Variants in MRC2 observed in about 807,000 individuals in gnomAD.
MRC2 encodes the protein mannose receptor C-type 2, also known as C-type mannose receptor 2.
Under a neutral mutation model 206.2 loss-of-function variants are expected in MRC2, and 84 were observed. That is an observed-to-expected ratio of 0.41 (90% CI 0.34 to 0.49). The LOEUF is 0.49. Ranked by LOEUF, MRC2 falls within the 20% of genes least tolerant of loss-of-function variation. The pLI is 0.31. For missense variants in MRC2, 1,676 were observed against 2,001.5 expected, an observed-to-expected ratio of 0.84 and a Z score of 3.10; for synonymous variants, 798 against 800.0, an observed-to-expected ratio of 1.00 and a Z score of 0.04.
chr17:62,654,649 G>T (rs1185636773), intron 1 of MRC2, among the ~76,000 whole-genome samples: 1 of 152,086 alleles, frequency 6.6e-6, no homozygotes, highest in African/African-American at 2.4e-5. Flanking sequence ...ACTCAGCCTC[G>T]CGACTTCACC....
intron 1 of MRC2, among the ~76,000 whole-genome samples, chr17:62,631,239 G>C (rs934798151): frequency 6.6e-6 from 1 of 152,128 alleles, no homozygotes; most frequent in Non-Finnish European, 1.5e-5. Flanking sequence ...CAGAGGGATG[G>C]AGCGATGGCA....
In MRC2 at chr17:62,678,522, C is replaced by G; in HGVS notation, c.2071C>G (p.Leu691Val). ...YCYKVFSSER[L>V]QDKKSWVQAQ... ...CCTGCAGGTGTTCAGCTCAGAGCGGCTGCAGGACAAGAAGAGCTGGGTCCA... is the reference window on the plus strand; with the variant it reads ...CCTGCAGGTGTTCAGCTCAGAGCGGGTGCAGGACAAGAAGAGCTGGGTCCA... Residue 691 changes from leucine to valine, a missense_variant, in exon 13 of 30, where the codon CTG becomes GTG. Physicochemically the swap from Leu to Val is conservative, Grantham distance 32. Transcript: ENST00000303375. 1 of 1,612,458 alleles carries G rather than the reference C, an allele frequency of 6.2e-7. No individual in the cohort carries two copies. Among genetic ancestry groups the G allele is most frequent in the Non-Finnish European group, 8.5e-7 (1 of 1,179,406 alleles).
chr17:62,679,717 C>A, intron 13 of MRC2, 83 bp from the exon 14 acceptor site: 1 of 1,355,018 alleles, frequency 7.4e-7, no homozygotes, highest in Non-Finnish European at 1.0e-6. Flanking sequence ...CCGGTCACAG[C>A]TGCAAGGGAC....
At chr17:62,665,526 A>G (rs2088741293) in intron 2 of MRC2, among the ~76,000 whole-genome samples, 1 of 152,226 alleles carries the variant, frequency 6.6e-6, no homozygotes, top group Non-Finnish European at 1.5e-5. Flanking sequence ...GTATACAAGT[A>G]TATAACATAA....
Position 62,664,436 on chromosome 17 carries a change from C to A in MRC2, c.119-112C>A. On this transcript the variant is annotated intron_variant, in intron 1 of 29. Transcript: ENST00000303375. This position sits in a 1 kb window ranked among gnomAD's most constrained non-coding sequence, Gnocchi z 4.7. ...ACCGAGTGATTTAACGTATGAGTGA[C>A]GGCTCACCATCCTGCACTGGGCACA... The A allele has an allele frequency of 1.6e-6, 2 of 1,214,438 alleles. No individual in the cohort carries two copies. Among genetic ancestry groups the A allele is most frequent in the Non-Finnish European group, 2.3e-6 (2 of 867,386 alleles). 75.2% of individuals were successfully genotyped at this position (1,214,438 alleles called of 1,614,324 possible). A position where few individuals can be genotyped will look rare whatever the true frequency, so the allele number is the denominator to read the frequency against.
Position 62,680,619 on chromosome 17 carries a change from C to G in MRC2, c.2473+166C>G, listed in dbSNP as rs1344664844. 6.6e-5 allele frequency: 85 copies of G among 1,278,744 alleles called. No homozygotes were observed. The highest frequency in any genetic ancestry group is 8.7e-5 in the Non-Finnish European group (82 of 941,016). 79.2% of individuals were successfully genotyped at this position (1,278,744 alleles called of 1,614,324 possible). The stretch of plus-strand genomic sequence containing the variant: ...AGGCAGCCACAGCCCTGTTTGCTTC[C>G]GTGTGGGAGGCGAGGCAAGCCTGGG... On this transcript the variant is annotated intron_variant, in intron 16 of 29. Coordinates refer to ENST00000303375, the MANE Select transcript of MRC2 (RefSeq NM_006039.5). The surrounding 1 kb of genome is among the most constrained non-coding windows in gnomAD (Gnocchi z 4.8).
In MRC2 at chr17:62,664,806, T is replaced by A. The variant is rs768506965; in HGVS notation, c.377T>A (p.Leu126Gln). 13 of 1,613,924 alleles carry A rather than the reference T, an allele frequency of 8.1e-6. No homozygotes were observed. Among genetic ancestry groups the A allele is most frequent in the Non-Finnish European group, 1.0e-5 (12 of 1,180,036 alleles). ...ALNLRWHCRTLGDQLSLLLGA... is the reference protein window; with the variant it reads ...ALNLRWHCRTQGDQLSLLLGA... ...AATCTTCGCTGGCATTGTCGTACAC[T>A]GGGTGACCAGCTGTCCTTGCTCCTG... Residue 126 changes from leucine (L) to glutamine (Q), a missense_variant, in exon 2 of 30, where the codon CTG (leucine) becomes CAG (glutamine). Transcript: ENST00000303375. The surrounding 1 kb of genome is among the most constrained non-coding windows in gnomAD (Gnocchi z 4.7).
intron 1 of MRC2, among the ~76,000 whole-genome samples, chr17:62,631,241 G>A (rs539769383): frequency 6.6e-6 from 1 of 152,280 alleles, no homozygotes; most frequent in South Asian, 2.1e-4. Flanking sequence ...GAGGGATGGA[G>A]CGATGGCACC....
intron 12 of MRC2, 28 bp downstream of exon 12, chr17:62,677,514 G>T (rs781523473): frequency 2.6e-6 from 4 of 1,560,458 alleles, no homozygotes; most frequent in South Asian, 2.3e-5. Flanking sequence ...CCGGGTAGGG[G>T]GCAGGGGGAG....
chr17:62,672,211 C>A lies in MRC2; in HGVS notation c.1461+59C>A. 6.3e-7 allele frequency: 1 copy of A among 1,597,932 alleles called. No individual in the cohort carries two copies. Among genetic ancestry groups the A allele is most frequent in the Non-Finnish European group, 8.6e-7 (1 of 1,167,042 alleles). On this transcript the variant is annotated intron_variant, in intron 8 of 29. Coordinates refer to ENST00000303375, the MANE Select transcript of MRC2 (RefSeq NM_006039.5). The surrounding 1 kb of genome is among the most constrained non-coding windows in gnomAD (Gnocchi z 4.5). ...AAATACACCCCCAACCTCCAGGTGC[C>A]ACCCCAGCTGAAGGACATCCTAGTT...
rs150043233 is a variant in MRC2, at chr17:62,689,998, C to T, written c.3678C>T (p.Asp1226=). 1,064 of 1,611,896 alleles carry T rather than the reference C, an allele frequency of 6.6e-4. 2 individuals carry two copies. Among genetic ancestry groups the T allele is most frequent in the South Asian group, 8.1e-4 (74 of 90,874 alleles). ...QPGGCTYVDV[D]GAWRTTSCDT... is the part of the protein sequence containing the mutation. Reference sequence around the variant, plus strand: ...GGGGCTGTACCTACGTAGATGTGGACGGGGCCTGGCGCACCACCAGCTGTG... The same window carrying T: ...GGGGCTGTACCTACGTAGATGTGGATGGGGCCTGGCGCACCACCAGCTGTG... Residue 1226 remains aspartate, a synonymous_variant, in exon 25 of 30, where the codon GAC becomes GAT. Coordinates refer to ENST00000303375, the MANE Select transcript of MRC2 (RefSeq NM_006039.5).
intron 1 of MRC2, among the ~76,000 whole-genome samples, chr17:62,647,582 G>A (rs557497530): frequency 3.3e-5 from 5 of 152,160 alleles, no homozygotes; most frequent in African/African-American, 4.8e-5. Context: ...TCCATTAGAC[G>A]AATATATTTC....
At chr17:62,690,600 C>G (rs779957070) in intron 26 of MRC2, 42 bp from the exon 27 acceptor site, 44 of 1,525,044 alleles carry the variant, frequency 2.9e-5, no homozygotes, top group Admixed American at 4.1e-5. Flanking sequence ...CTGCCCCCCC[C>G]GGAGACCCAT....
chr17:62,665,999 C>A, intron 2 of MRC2, 95 bp from the exon 3 acceptor site: 1 of 1,323,314 alleles, frequency 7.6e-7, no homozygotes, highest in Non-Finnish European at 1.0e-6. Context: ...ACACCCAGCA[C>A]TCTGGGTTTT....
chr17:62,671,972 C>T lies in MRC2; in HGVS notation c.1307-26C>T. On this transcript the variant is annotated intron_variant, in intron 7 of 29. Transcript: ENST00000303375. This position sits in a 1 kb window ranked among gnomAD's most constrained non-coding sequence, Gnocchi z 4.5. ...AGGCTGACCTCTCAATGTTTTCTCT[C>T]CCCTCCTCTCCTGCTGCACCCCCAG... is the stretch of plus-strand genomic sequence containing the variant. 1 of 1,614,048 alleles carries T rather than the reference C, an allele frequency of 6.2e-7. No homozygotes were observed. The highest frequency in any genetic ancestry group is 8.5e-7 in the Non-Finnish European group (1 of 1,179,978).
At chr17:62,643,748 A>T (rs1356666930) in intron 1 of MRC2, among the ~76,000 whole-genome samples, 1 of 152,260 alleles carries the variant, frequency 6.6e-6, no homozygotes, top group Non-Finnish European at 1.5e-5. Context: ...TCAACGTAAC[A>T]TTATAATTAG....
chr17:62,668,600 C>T (rs1458629191), intron 6 of MRC2, among the ~76,000 whole-genome samples: 2 of 152,074 alleles, frequency 1.3e-5, no homozygotes, highest in Non-Finnish European at 2.9e-5. Context: ...GATTCATGTG[C>T]AGACACAGTT....
Position 62,667,676 on chromosome 17 carries a change from T to C in MRC2, c.1117+143T>C. The stretch of plus-strand genomic sequence containing the variant: ...GGATCCTCTGACTCTTATTTCATTG[T>C]TCAGTTAAAGTCTGAGCAAATTGGA... On this transcript the variant is annotated intron_variant, in intron 6 of 29. Coordinates refer to ENST00000303375, the MANE Select transcript of MRC2 (RefSeq NM_006039.5). The surrounding 1 kb of genome is among the most constrained non-coding windows in gnomAD (Gnocchi z 4.1). 1 of 946,952 alleles carries C rather than the reference T, an allele frequency of 1.1e-6. No individual in the cohort carries two copies. Among genetic ancestry groups the C allele is most frequent in the Non-Finnish European group, 1.5e-6 (1 of 674,752 alleles). 58.7% of individuals were successfully genotyped at this position (946,952 alleles called of 1,614,324 possible).
chr17:62,667,257 TGA>T lies in MRC2; in HGVS notation c.974-131_974-130del. The T allele has an allele frequency of 8.3e-7, 1 of 1,210,850 alleles. No individual in the cohort carries two copies. Among genetic ancestry groups the T allele is most frequent in the African/African-American group, 1.5e-5 (1 of 65,416 alleles). 75.0% of individuals were successfully genotyped at this position (1,210,850 alleles called of 1,614,324 possible). On this transcript the variant is annotated intron_variant, in intron 5 of 29. Transcript: ENST00000303375. The surrounding 1 kb of genome is among the most constrained non-coding windows in gnomAD (Gnocchi z 4.1). ...CCGTGGTCTGGGGCGGAGCTGGAGC[TGA>T]GCACCAGGCTTCCCGAACTGGCTCA...
Sources: gnomAD v4.1 joint callset for allele counts (sites outside exome capture counted in the v4.1 genomes callset) on GRCh38, gnomAD v4.1.1 for gene constraint, Gnocchi (gnomAD v3.1) non-coding constraint, MANE v1.5 for transcripts, NCBI Gene and HGNC (gene_info 2026-07-23, HGNC 2026-07-21) for gene names.